AXIN2: variants seen among roughly 807,000 people sequenced by gnomAD.
AXIN2 encodes the protein axin 2.
Under a neutral mutation model 74.7 loss-of-function variants are expected in AXIN2, and 21 were observed. The observed-to-expected ratio is 0.28, with a 90% confidence interval of 0.20 to 0.40. The LOEUF (loss-of-function observed/expected upper bound fraction) is 0.40, where lower values mean the gene tolerates loss of function less well. Ranked by LOEUF, AXIN2 falls within the 10% of genes least tolerant of loss-of-function variation. The pLI, the probability that AXIN2 is intolerant of heterozygous loss-of-function variation, is 1.00. For missense variants in AXIN2, 1,144 were observed against 1,111.1 expected (o/e 1.03, Z -0.42); for synonymous variants, 532 against 454.9 (o/e 1.17, Z -2.16).
At chr17:65,552,112 C>G (rs554711080) in intron 2 of AXIN2, among the ~76,000 whole-genome samples, 2 of 152,230 alleles carry the variant, frequency 1.3e-5, no homozygotes, top group East Asian at 3.9e-4. Context: ...GTCCTCAATC[C>G]GGAATTCCCC....
chr17:65,528,768 A>C lies in AXIN2; in HGVS notation c.*1208T>G. 1 of 497,772 alleles carries C rather than the reference A, an allele frequency of 2.0e-6. No individual in the cohort carries two copies. The highest frequency in any genetic ancestry group is 3.7e-6 in the Non-Finnish European group (1 of 266,898). The allele number at this position is 497,772 out of a possible 1,614,324, so 30.8% of individuals were successfully genotyped here. On this transcript the variant is annotated 3_prime_UTR_variant, in exon 11 of 11. Transcript: ENST00000307078. Reference sequence around the variant, plus strand: ...ATACATAAACCCCTTTCAAAAAACAAGGGAAAGCTTGAGCCCTCAATATAG... The same window carrying C: ...ATACATAAACCCCTTTCAAAAAACACGGGAAAGCTTGAGCCCTCAATATAG...
In AXIN2 at chr17:65,535,197, C is replaced by A. The variant is rs79306670; in HGVS notation, c.2237+429G>T. Among the ~76,000 whole-genome samples the A allele has an allele frequency of 3.4e-3, 519 of 152,322 alleles. 3 individuals are homozygous for A. The highest frequency in any genetic ancestry group is 0.012 in the African/African-American group (479 of 41,574). On this transcript the variant is annotated intron_variant, in intron 9 of 10. Coordinates refer to ENST00000307078, the MANE Select transcript of AXIN2 (RefSeq NM_004655.4). ...AAGAGACTAAATTTACAAAAAGAATCACTGCCCAATTTGGGGGAAGATATT... is the reference window on the plus strand; with the variant it reads ...AAGAGACTAAATTTACAAAAAGAATAACTGCCCAATTTGGGGGAAGATATT...
At chr17:65,538,887 C>T (rs1241562299) in intron 4 of AXIN2, among the ~76,000 whole-genome samples, 1 of 151,932 alleles carries the variant, frequency 6.6e-6, no homozygotes, top group African/African-American at 2.4e-5. Context: ...ATTTCCTGGC[C>T]GCACACTGCG....
At chr17:65,537,259 C>T (rs1481705799) in intron 6 of AXIN2, 65 bp downstream of exon 6, 7 of 1,608,250 alleles carry the variant, frequency 4.4e-6, no homozygotes, top group Non-Finnish European at 5.1e-6. Context: ...CCACCTCACA[C>T]CTGCCCATGG....
intron 3 of AXIN2, among the ~76,000 whole-genome samples, chr17:65,549,058 T>C (rs2044155171): frequency 6.6e-6 from 1 of 152,186 alleles, no homozygotes; most frequent in Non-Finnish European, 1.5e-5. Flanking sequence ...CCACTTGCAA[T>C]GCCTTTTCCT....
At chr17:65,556,220 T>A (rs1037880747) in intron 2 of AXIN2, among the ~76,000 whole-genome samples, 2 of 152,136 alleles carry the variant, frequency 1.3e-5, no homozygotes, top group Non-Finnish European at 2.9e-5. Flanking sequence ...GACACTCTGG[T>A]CCCGGCAGTG....
Position 65,558,317 on chromosome 17 carries a change from C to G in AXIN2, c.304G>C (p.Glu102Gln), listed in dbSNP as rs769104629. ...AYLFRTFLER[E>Q]KCVDTLDFWF... ...AAGTCTAAGGTATCCACGCATTTCT[C>G]CCTCTCCAGGAAAGTTCGGAACAGG... The change falls in exon 2 of 11, where the codon GAG becomes CAG. Residue 102 changes from glutamate to glutamine, a missense_variant. Transcript: ENST00000307078. The G allele has an allele frequency of 1.2e-6, 2 of 1,614,212 alleles. No individual in the cohort carries two copies. Among genetic ancestry groups the G allele is most frequent in the Non-Finnish European group, 1.7e-6 (2 of 1,180,038 alleles).
chr17:65,537,090 A>T, intron 6 of AXIN2, 27 bp from the exon 7 acceptor site: 1 of 1,592,042 alleles, frequency 6.3e-7, no homozygotes, highest in Non-Finnish European at 8.5e-7. Flanking sequence ...ACCACACCCA[A>T]CCCAGAGACC....
At position 65,529,855 on chromosome 17, in the gene AXIN2, A is replaced by G; in HGVS notation, c.*121T>C. On this transcript the variant is annotated 3_prime_UTR_variant, in exon 11 of 11. Coordinates refer to ENST00000307078, the MANE Select transcript of AXIN2 (RefSeq NM_004655.4). ...AAGGCCCACTGGCCGATTCTTCCTT[A>G]GACTTTGTCTTCTTCATTGGTTTAA... is the stretch of plus-strand genomic sequence containing the variant. 1 of 1,566,226 alleles carries G rather than the reference A, an allele frequency of 6.4e-7. No homozygotes were observed. The highest frequency in any genetic ancestry group is 8.7e-7 in the Non-Finnish European group (1 of 1,148,128).
chr17:65,536,628 T>C lies in AXIN2; in HGVS notation c.1908-75A>G, dbSNP rs72856668. On this transcript the variant is annotated intron_variant, in intron 7 of 10. Coordinates refer to ENST00000307078, the MANE Select transcript of AXIN2 (RefSeq NM_004655.4). ...GAAGAACTGGAAAATGTGACTTCAA[T>C]AGAAACTTGTCTATTCTGCTCAGAG... 0.018 allele frequency: 27,124 copies of C among 1,539,742 alleles called. 326 individuals are homozygous for C. The highest frequency in any genetic ancestry group is 0.02 in the Non-Finnish European group (22,461 of 1,114,394).
In AXIN2 at chr17:65,529,854, T is replaced by C. The variant is rs2043786708; in HGVS notation, c.*122A>G. ...GAAGGCCCACTGGCCGATTCTTCCT[T>C]AGACTTTGTCTTCTTCATTGGTTTA... On this transcript the variant is annotated 3_prime_UTR_variant, in exon 11 of 11. Transcript: ENST00000307078. 7.0e-6 allele frequency: 11 copies of C among 1,565,386 alleles called. No individual in the cohort carries two copies. Among genetic ancestry groups the C allele is most frequent in the Non-Finnish European group, 9.6e-6 (11 of 1,147,868 alleles).
chr17:65,557,787 G>T lies in AXIN2; in HGVS notation c.815+19C>A. The T allele has an allele frequency of 6.2e-7, 1 of 1,611,950 alleles. No homozygotes were observed. The highest frequency in any genetic ancestry group is 8.5e-7 in the Non-Finnish European group (1 of 1,178,162). ...CAAAGTCCACAGCATCAGCCCACCCGCCCCCGTCAAAGTCTTACCTGTATC... is the reference window on the plus strand; with the variant it reads ...CAAAGTCCACAGCATCAGCCCACCCTCCCCCGTCAAAGTCTTACCTGTATC... On this transcript the variant is annotated intron_variant, in intron 2 of 10. Transcript: ENST00000307078.
chr17:65,551,660 C>A (rs902495301), intron 2 of AXIN2, among the ~76,000 whole-genome samples: 15 of 152,316 alleles, frequency 9.8e-5, no homozygotes, highest in Admixed American at 9.8e-4. Flanking sequence ...GAGGCAGTCT[C>A]TGCCTTTAAG....
rs1447816369 is a variant in AXIN2, at chr17:65,541,469, G to C, written c.1045C>G (p.Leu349Val). Reference protein sequence around the residue: ...RSVKANGQVSLPHFPRTHRLP... With the variant: ...RSVKANGQVSVPHFPRTHRLP... ...ACTGTACTCACCGGGAAATGAGGTAGAGACACTTGGCCATTGGCCTTCACA... is the reference window on the plus strand; with the variant it reads ...ACTGTACTCACCGGGAAATGAGGTACAGACACTTGGCCATTGGCCTTCACA... Residue 349 changes from leucine (L) to valine (V), a missense_variant, in exon 4 of 11, where the codon CTA becomes GTA. Physicochemically the swap from Leu to Val is conservative, Grantham distance 32. Transcript: ENST00000307078. 1.2e-6 allele frequency: 2 copies of C among 1,613,868 alleles called. No homozygotes were observed. Among genetic ancestry groups the C allele is most frequent in the Non-Finnish European group, 1.7e-6 (2 of 1,179,856 alleles).
chr17:65,550,351 G>A (rs1372737178), intron 2 of AXIN2, among the ~76,000 whole-genome samples: 1 of 152,180 alleles, frequency 6.6e-6, no homozygotes, highest in Non-Finnish European at 1.5e-5. Context: ...GGATTGAAAT[G>A]AGCAACACAG....
intron 7 of AXIN2, 124 bp from the exon 8 acceptor site, chr17:65,536,677 A>G (rs1031363422): frequency 2.1e-6 from 3 of 1,401,674 alleles, no homozygotes; most frequent in Non-Finnish European, 2.0e-6. Context: ...AAAAACTACC[A>G]TAACATGAAC....
Position 65,558,003 on chromosome 17 carries a change from G to C in AXIN2, c.618C>G (p.Asn206Lys), listed in dbSNP as rs2144583951. ...GTCCCCCATTACTCATGTAAGCTGT[G>C]TTTTCTCCCCCACTCCTCACATATT... The part of the protein sequence containing the change: ...YLEYVRSGGE[N>K]TAYMSNGGLG... The change falls in exon 2 of 11, where the codon AAC becomes AAG. Residue 206 changes from asparagine to lysine, a missense_variant. This residue lies in a region of AXIN2 where 1,053 missense variants were observed against 973.5 expected (regional missense o/e 1.08). Transcript: ENST00000307078. 6.2e-7 allele frequency: 1 copy of C among 1,614,118 alleles called. No individual in the cohort carries two copies. Among genetic ancestry groups the C allele is most frequent in the Non-Finnish European group, 8.5e-7 (1 of 1,180,036 alleles).
intron 1 of AXIN2, 76 bp downstream of exon 1, chr17:65,561,353 CCCCCGCGCCCACGCCGCGGCT>C (rs2144607913): frequency 6.8e-6 from 1 of 146,064 alleles, no homozygotes; most frequent in East Asian, 2.1e-4. Flanking sequence ...CCCCTCCCGC[CCCCCGCGCCCACGCCGCGGCT>C]CGGCGCGACC....
At chr17:65,546,054 C>T (rs115228648) in intron 3 of AXIN2, among the ~76,000 whole-genome samples, 2 of 149,690 alleles carry the variant, frequency 1.3e-5, no homozygotes, top group African/African-American at 2.5e-5. Context: ...CCCTCTCCCC[C>T]CCTCCCCAGC....
Sources: allele counts gnomAD v4.1 joint callset (sites outside exome capture counted in the v4.1 genomes callset), GRCh38; gene constraint gnomAD v4.1.1; regional missense constraint gnomAD v4.1.1; transcripts MANE v1.5; gene names NCBI Gene and HGNC (gene_info 2026-07-23, HGNC 2026-07-21).